Variants in ZFP64 observed in about 807,000 individuals in gnomAD.
The protein encoded by ZFP64 is zinc finger protein 64.
A neutral mutation model predicts 51.6 loss-of-function variants in ZFP64; 14 were observed. The observed-to-expected ratio is 0.27, with a 90% CI of 0.18 to 0.42. The LOEUF is 0.42. ZFP64 is among the 10% of genes least tolerant of loss of function. The pLI is 1.00. For missense variants in ZFP64, 754 were observed against 906.8 expected (o/e 0.83, Z 2.16); for synonymous variants, 375 against 361.4 (o/e 1.04, Z -0.43).
intron 5 of ZFP64, among the ~76,000 whole-genome samples, chr20:52,112,740 G>T (rs997607348): frequency 6.6e-6 from 1 of 151,586 alleles, no homozygotes; most frequent in Non-Finnish European, 1.5e-5. Flanking sequence ...TTAGCCTCCC[G>T]AGTGGCTGGG....
chr20:52,119,576 A>AACACACACACACACACATACAT (rs1555802580), intron 5 of ZFP64, among the ~76,000 whole-genome samples: 10 of 132,554 alleles, frequency 7.5e-5, no homozygotes, highest in African/African-American at 1.2e-4. Flanking sequence ...ATACACACAC[A>AACACACACACACACACATACAT]ACACACACAC....
intron 2 of ZFP64, among the ~76,000 whole-genome samples, chr20:52,172,425 C>T (rs1982830510): frequency 1.3e-5 from 2 of 152,054 alleles, no homozygotes; most frequent in Non-Finnish European, 2.9e-5. Flanking sequence ...AAGTCGGGCA[C>T]ACTGCAAGTT....
chr20:52,095,603 G>A (rs1319753278), intron 7 of ZFP64, among the ~76,000 whole-genome samples: 1 of 152,142 alleles, frequency 6.6e-6, no homozygotes, highest in Non-Finnish European at 1.5e-5. Flanking sequence ...CAGTCACCTG[G>A]GGCCCAGAGA....
chr20:52,088,159 T>A, intron 8 of ZFP64: 1 of 615,106 alleles, frequency 1.6e-6, no homozygotes, highest in South Asian at 2.2e-5. Context: ...GGGTATCTAC[T>A]CCCAGCTGGA....
rs149523549 is a variant in ZFP64, at chr20:52,109,508, G to A, written c.764-10921C>T. On this transcript the variant is annotated intron_variant, in intron 5 of 8. Coordinates refer to the ZFP64 transcript ENST00000361387. ...CAAAAATCTGTTGCTGGCTGAGTGC[G>A]GTGGCTCATGCCTGTAACCCCAGAA... Among the ~76,000 whole-genome samples the A allele has an allele frequency of 6.3e-4, 96 of 152,190 alleles. 2 individuals carry two copies. In the East Asian group the frequency reaches 0.017, roughly 27 times the overall value.
At chr20:52,147,263 G>A (rs541955009), downstream of ZFP64, among the ~76,000 whole-genome samples, 2 of 151,864 alleles carry the variant, frequency 1.3e-5, no homozygotes, top group African/African-American at 4.8e-5. Context: ...GTGCAGTGGC[G>A]CAATTTTGGC....
intron 7 of ZFP64, among the ~76,000 whole-genome samples, chr20:52,090,609 G>C (rs954817111): frequency 1.3e-5 from 2 of 151,944 alleles, no homozygotes; most frequent in Non-Finnish European, 2.9e-5. Flanking sequence ...GACCAGCCTG[G>C]CCAACATGGT....
intron 5 of ZFP64, among the ~76,000 whole-genome samples, chr20:52,123,434 T>C (rs1979293184): frequency 6.6e-6 from 1 of 152,200 alleles, no homozygotes; most frequent in Admixed American, 6.5e-5. Context: ...TGTTGTCTTA[T>C]TTTAAGAAAT....
At chr20:52,132,426 T>C (rs1001136062) in intron 5 of ZFP64, among the ~76,000 whole-genome samples, 1 of 151,240 alleles carries the variant, frequency 6.6e-6, no homozygotes, top group African/African-American at 2.4e-5. Flanking sequence ...GAAAAAAAGC[T>C]GTTTTTTTAA....
At chr20:52,178,926 C>T (rs752742990) in intron 2 of ZFP64, among the ~76,000 whole-genome samples, 7 of 152,148 alleles carry the variant, frequency 4.6e-5, no homozygotes, top group Non-Finnish European at 8.8e-5. Flanking sequence ...TTGGAATTCT[C>T]CAAGGGCAAG....
chr20:52,171,143 G>A (rs912858062), intron 2 of ZFP64, among the ~76,000 whole-genome samples: 4 of 152,170 alleles, frequency 2.6e-5, no homozygotes, highest in African/African-American at 4.8e-5. Context: ...GCTTGCTGGC[G>A]CCTCCTAGCT....
At chr20:52,112,730 T>G (rs1017569883) in intron 5 of ZFP64, among the ~76,000 whole-genome samples, 2 of 151,958 alleles carry the variant, frequency 1.3e-5, no homozygotes, top group Non-Finnish European at 2.9e-5. Context: ...TCCTCCCATC[T>G]TAGCCTCCCG....
intron 5 of ZFP64, among the ~76,000 whole-genome samples, chr20:52,108,572 A>G (rs140923494): frequency 0.011 from 1,722 of 151,510 alleles, 28 homozygotes; most frequent in African/African-American, 0.039. Context: ...GCAATGGCAC[A>G]ATCTCAGCTC....
At chr20:52,093,103 C>A (rs1419739335) in intron 7 of ZFP64, among the ~76,000 whole-genome samples, 2 of 151,896 alleles carry the variant, frequency 1.3e-5, no homozygotes, top group Non-Finnish European at 2.9e-5. Flanking sequence ...GTTTCTCTTG[C>A]TCAAGATACA....
chr20:52,179,337 C>A (rs1049986249), intron 2 of ZFP64, among the ~76,000 whole-genome samples: 1 of 152,174 alleles, frequency 6.6e-6, no homozygotes, highest in African/African-American at 2.4e-5. Context: ...AGCATGAAAA[C>A]GGACTAACAC....
chr20:52,103,829 G>C (rs763588779), intron 5 of ZFP64, among the ~76,000 whole-genome samples: 2 of 152,192 alleles, frequency 1.3e-5, no homozygotes, highest in Admixed American at 6.5e-5. Context: ...GGTTATGGTA[G>C]CTCCACTCGA....
chr20:52,175,861 GCCGCCC>G, intron 2 of ZFP64: 13 of 238,504 alleles, frequency 5.5e-5, no homozygotes, highest in South Asian at 1.7e-4. Context: ...CACCCCCGCT[GCCGCCC>G]CCGCCCCCAA....
chr20:52,093,190 G>A (rs1312600572), intron 7 of ZFP64, among the ~76,000 whole-genome samples: 1 of 151,918 alleles, frequency 6.6e-6, no homozygotes, highest in Non-Finnish European at 1.5e-5. Flanking sequence ...CCCAAGGCTG[G>A]AGTGCAGTGG....
exon 9 of ZFP64, chr20:52,084,627 G>C (rs552103606): frequency 6.2e-7 from 1 of 1,614,060 alleles, no homozygotes; most frequent in African/African-American, 1.3e-5. Flanking sequence ...GAGCTGTCCC[G>C]AGGCACCGCT....
Sources: gnomAD v4.1 joint callset for allele counts (sites outside exome capture counted in the v4.1 genomes callset) on GRCh38, gnomAD v4.1.1 for gene constraint, MANE v1.5 for transcripts, NCBI Gene and HGNC (gene_info 2026-07-23, HGNC 2026-07-21) for gene names.